SYTL1: variants seen among roughly 807,000 people sequenced by gnomAD.
SYTL1 encodes the protein synaptotagmin like 1.
In SYTL1, 53 loss-of-function variants were observed where a neutral mutation model predicts 74.6. The observed-to-expected ratio is 0.71, with a 90% CI of 0.57 to 0.89. The LOEUF (loss-of-function observed/expected upper bound fraction) is 0.89, where lower values mean the gene tolerates loss of function less well. SYTL1 is among the 40% of genes least tolerant of loss of function. The pLI is 0.00. For missense variants in SYTL1, 728 were observed against 768.7 expected (o/e 0.95, Z 0.63); for synonymous variants, 329 against 324.9 (o/e 1.01, Z -0.14).
At chr1:27,349,799 G>C in intron 8 of SYTL1, 34 bp downstream of exon 8, 3 of 1,564,362 alleles carry the variant, frequency 1.9e-6, no homozygotes, top group South Asian at 2.3e-5. Context: ...GGGCGGCCGG[G>C]GGGTGGACCC....
Position 27,351,319 on chromosome 1 carries a change from TCC to T in SYTL1, c.1229_1230del (p.Pro410ArgfsTer43). ...TTACTCGCCCTGTCCCTCAAGTACG[TCC>T]CCGCCGGCTCCGAGGGTGAGTGACA... On this transcript the variant is annotated frameshift_variant, in exon 12 of 15. Coordinates refer to ENST00000616558, the MANE Select transcript of SYTL1 (RefSeq NM_001193308.2). LOFTEE classifies it high-confidence loss of function. The surrounding 1 kb of genome is among the most constrained non-coding windows in gnomAD (Gnocchi z 5.0). 1 of 1,555,700 alleles carries T rather than the reference TCC, an allele frequency of 6.4e-7. No individual in the cohort carries two copies. The highest frequency in any genetic ancestry group is 8.7e-7 in the Non-Finnish European group (1 of 1,149,906).
Position 27,353,441 on chromosome 1 carries a change from C to A in SYTL1, c.1502C>A (p.Ala501Asp). ...GAGCTCTCCCTCTGGGACCATGGGG[C>A]CCTGGCCAACCGCCAGCTGGGGGGC... ...CAELSLWDHG[A>D]LANRQLGGTR... The change falls in exon 14 of 15, where the codon GCC becomes GAC. Residue 501 changes from alanine to aspartate, a missense_variant. Physicochemically the swap from Ala to Asp is moderately radical, Grantham distance 126. Transcript: ENST00000616558. The A allele has an allele frequency of 2.5e-6, 4 of 1,609,452 alleles. No homozygotes were observed. Among genetic ancestry groups the A allele is most frequent in the Non-Finnish European group, 3.4e-6 (4 of 1,178,542 alleles).
At position 27,347,003 on chromosome 1, in the gene SYTL1, T is replaced by C. The variant is rs1364534080; in HGVS notation, c.192-418T>C. On this transcript the variant is annotated intron_variant, in intron 2 of 14. Transcript: ENST00000616558. The surrounding 1 kb of genome is among the most constrained non-coding windows in gnomAD (Gnocchi z 4.9). ...TGGGCATGGTGGCACACGCCTGTAGTCCCAGCTACTCAGGAGGCTGAGGTG... is the reference window on the plus strand; with the variant it reads ...TGGGCATGGTGGCACACGCCTGTAGCCCCAGCTACTCAGGAGGCTGAGGTG... 6.6e-6 allele frequency among the ~76,000 whole-genome samples: 1 copy of C among 151,862 alleles called. No individual in the cohort carries two copies. The highest frequency in any genetic ancestry group is 6.6e-5 in the Admixed American group (1 of 15,236).
rs370173675 is a variant in SYTL1 at position 27,350,355 on chromosome 1, G to A, written c.909-34G>A. The A allele has an allele frequency of 6.3e-6, 10 of 1,586,668 alleles. No homozygotes were observed. Among genetic ancestry groups the A allele is most frequent in the Non-Finnish European group, 8.7e-6 (10 of 1,155,202 alleles). On this transcript the variant is annotated intron_variant, in intron 9 of 14. Coordinates refer to ENST00000616558, the MANE Select transcript of SYTL1 (RefSeq NM_001193308.2). The surrounding 1 kb of genome is among the most constrained non-coding windows in gnomAD (Gnocchi z 6.3). ...CAGGCAGGGGAGAAGGCTCTGGGAG[G>A]GCCCCTCCTCACCTCGGGTTCTCAC...
intron 7 of SYTL1, 41 bp downstream of exon 7, chr1:27,349,539 C>A (rs990735747): frequency 7.0e-6 from 10 of 1,433,578 alleles, no homozygotes; most frequent in Non-Finnish European, 9.2e-6. Flanking sequence ...ACATCCGGAG[C>A]GGACTCCGGG....
chr1:27,351,071 A>C lies in SYTL1; in HGVS notation c.1164+119A>C. 1 of 1,369,584 alleles carries C rather than the reference A, an allele frequency of 7.3e-7. No homozygotes were observed. The highest frequency in any genetic ancestry group is 9.9e-7 in the Non-Finnish European group (1 of 1,005,310). 84.8% of individuals were successfully genotyped at this position (1,369,584 alleles called of 1,614,324 possible). ...CGACAGAACCTCCCCTCAACCTCTT[A>C]ACCTCATGGCCCCAGGCGAAGCCCG... On this transcript the variant is annotated intron_variant, in intron 11 of 14. Coordinates refer to ENST00000616558, the MANE Select transcript of SYTL1 (RefSeq NM_001193308.2). This position sits in a 1 kb window ranked among gnomAD's most constrained non-coding sequence, Gnocchi z 5.0.
At position 27,345,076 on chromosome 1, in the gene SYTL1, T is replaced by C. The variant is rs2148028864; in HGVS notation, c.-38-221T>C. On this transcript the variant is annotated intron_variant, in intron 1 of 14. Transcript: ENST00000616558. This position sits in a 1 kb window ranked among gnomAD's most constrained non-coding sequence, Gnocchi z 6.0. ...CTGTGTGGCCCTACCTCAGGGTGTGTGCATGTGTGTCTCTTGCTTCTTCCA... is the reference window on the plus strand; with the variant it reads ...CTGTGTGGCCCTACCTCAGGGTGTGCGCATGTGTGTCTCTTGCTTCTTCCA... 9.0e-6 allele frequency: 3 copies of C among 333,444 alleles called. No individual in the cohort carries two copies. In the South Asian group the frequency reaches 2.1e-4, roughly 23 times the overall value. 20.7% of individuals were successfully genotyped at this position (333,444 alleles called of 1,614,324 possible).
At position 27,351,196 on chromosome 1, in the gene SYTL1, C is replaced by A. The variant is rs2015255284; in HGVS notation, c.1165-62C>A. 8 of 1,530,800 alleles carry A rather than the reference C, an allele frequency of 5.2e-6. No homozygotes were observed. Among genetic ancestry groups the A allele is most frequent in the African/African-American group, 1.4e-5 (1 of 72,598 alleles). The allele number at this position is 1,530,800 out of a possible 1,614,324, so 94.8% of individuals were successfully genotyped here. On this transcript the variant is annotated intron_variant, in intron 11 of 14. Coordinates refer to ENST00000616558, the MANE Select transcript of SYTL1 (RefSeq NM_001193308.2). The surrounding 1 kb of genome is among the most constrained non-coding windows in gnomAD (Gnocchi z 5.0). ...GCCGCACCCCATCCGGGTCTGCAGA[C>A]CCCACCCTCCTGAGGCCCCTTTCCA...
Position 27,350,177 on chromosome 1 carries a change from G to T in SYTL1, c.908+45G>T. The T allele has an allele frequency of 6.9e-7, 1 of 1,451,536 alleles. No individual in the cohort carries two copies. The highest frequency in any genetic ancestry group is 1.4e-5 in the African/African-American group (1 of 69,366). The allele number at this position is 1,451,536 out of a possible 1,614,324, so 89.9% of individuals were successfully genotyped here. A position where few individuals can be genotyped will look rare whatever the true frequency, so the allele number is the denominator to read the frequency against. ...AGCGGGGCGCGGCTGTCACAGCCCA[G>T]CCCACCATTCACAGGGTCTCGGCCT... is the stretch of plus-strand genomic sequence containing the variant. On this transcript the variant is annotated intron_variant, in intron 9 of 14. Coordinates refer to ENST00000616558, the MANE Select transcript of SYTL1 (RefSeq NM_001193308.2). The surrounding 1 kb of genome is among the most constrained non-coding windows in gnomAD (Gnocchi z 6.3).
At chr1:27,349,921 C>G in intron 8 of SYTL1, 51 bp from the exon 9 acceptor site, 1 of 1,554,506 alleles carries the variant, frequency 6.4e-7, no homozygotes, top group Non-Finnish European at 8.6e-7. Context: ...GCCCGCGGCC[C>G]CGACGTGAGC....
rs779655219 is a variant in SYTL1 at position 27,350,928 on chromosome 1, C to G, written c.1140C>G (p.Pro380=). The G allele has an allele frequency of 6.2e-7, 1 of 1,613,174 alleles. No homozygotes were observed. Among genetic ancestry groups the G allele is most frequent in the African/African-American group, 1.3e-5 (1 of 74,872 alleles). ...PLDTWDWGSE[P]TWLPLQPRVP... is the part of the protein sequence containing the mutation. ...ACACGTGGGACTGGGGCTCTGAGCCCACCTGGCTCCCCCTGCAGCCCCGGG... is the reference window on the plus strand; with the variant it reads ...ACACGTGGGACTGGGGCTCTGAGCCGACCTGGCTCCCCCTGCAGCCCCGGG... Residue 380 remains proline (P), a synonymous_variant, in exon 11 of 15, where the codon CCC becomes CCG. Coordinates refer to ENST00000616558, the MANE Select transcript of SYTL1 (RefSeq NM_001193308.2). The surrounding 1 kb of genome is among the most constrained non-coding windows in gnomAD (Gnocchi z 6.3).
rs1029166946 is a variant in SYTL1, at chr1:27,343,161, G to C, written c.-39+1011G>C. 6.6e-6 allele frequency: 1 copy of C among 152,460 alleles called. No individual in the cohort carries two copies. Among genetic ancestry groups the C allele is most frequent in the African/African-American group, 2.4e-5 (1 of 41,468 alleles). The allele number at this position is 152,460 out of a possible 1,614,324, so 9.4% of individuals were successfully genotyped here. ...GGCAATGGAAGGGGCGGGGAAGAGA[G>C]GAGAGGCCGCCCAGTGGGCTCAGGA... On this transcript the variant is annotated intron_variant, in intron 1 of 14. Coordinates refer to ENST00000616558, the MANE Select transcript of SYTL1 (RefSeq NM_001193308.2). This position sits in a 1 kb window ranked among gnomAD's most constrained non-coding sequence, Gnocchi z 5.2.
Position 27,350,924 on chromosome 1 carries a change from A to G in SYTL1, c.1136A>G (p.Glu379Gly), listed in dbSNP as rs147249215. 3.7e-6 allele frequency: 6 copies of G among 1,613,144 alleles called. No individual in the cohort carries two copies. The highest frequency in any genetic ancestry group is 4.2e-6 in the Non-Finnish European group (5 of 1,179,902). The change falls in exon 11 of 15, where the codon GAG (glutamate) becomes GGG (glycine). Residue 379 changes from glutamate (E) to glycine (G), a missense_variant. Physicochemically the swap from Glu to Gly is moderately conservative, Grantham distance 98. Coordinates refer to ENST00000616558, the MANE Select transcript of SYTL1 (RefSeq NM_001193308.2). This position sits in a 1 kb window ranked among gnomAD's most constrained non-coding sequence, Gnocchi z 6.3. ...CTGGACACGTGGGACTGGGGCTCTG[A>G]GCCCACCTGGCTCCCCCTGCAGCCC... ...VPLDTWDWGS[E>G]PTWLPLQPRV...
In SYTL1 at chr1:27,350,045, T is replaced by C; in HGVS notation, c.821T>C (p.Leu274Pro). The C allele has an allele frequency of 6.5e-7, 1 of 1,528,390 alleles. No homozygotes were observed. Among genetic ancestry groups the C allele is most frequent in the Non-Finnish European group, 8.7e-7 (1 of 1,147,422 alleles). The allele number at this position is 1,528,390 out of a possible 1,614,324, so 94.7% of individuals were successfully genotyped here. Residue 274 changes from leucine (L) to proline (P), a missense_variant, in exon 9 of 15, where the codon CTG becomes CCG. Transcript: ENST00000616558. The surrounding 1 kb of genome is among the most constrained non-coding windows in gnomAD (Gnocchi z 6.3). Reference protein sequence around the residue: ...VQVRGSVHFALHYEPGAAELR... With the variant: ...VQVRGSVHFAPHYEPGAAELR... The stretch of plus-strand genomic sequence containing the variant: ...GTCCGCGGCTCCGTGCACTTCGCGC[T>C]GCACTACGAGCCGGGCGCCGCCGAG...
In SYTL1 at chr1:27,347,727, G is replaced by A. The variant is rs2015063087; in HGVS notation, c.341-81G>A. ...GCCCCTCCGTGGGCATGGGGTGGGT[G>A]GGTATCTCCCAGGGCCTCTCCCGAG... On this transcript the variant is annotated intron_variant, in intron 3 of 14. Transcript: ENST00000616558. This position sits in a 1 kb window ranked among gnomAD's most constrained non-coding sequence, Gnocchi z 4.9. 3.3e-6 allele frequency: 5 copies of A among 1,527,312 alleles called. No individual in the cohort carries two copies. The South Asian group carries it at 6.2e-5, about 19-fold the overall frequency. The allele number at this position is 1,527,312 out of a possible 1,614,324, so 94.6% of individuals were successfully genotyped here.
intron 2 of SYTL1, among the ~76,000 whole-genome samples, chr1:27,346,348 G>A (rs535116754): frequency 1.8e-4 from 28 of 152,318 alleles, no homozygotes; most frequent in African/African-American, 6.0e-4. Context: ...GAGCATGGGC[G>A]TTACAAGCAA....
chr1:27,349,042 G>GC (rs2015120789), intron 5 of SYTL1, 38 bp from the exon 6 acceptor site: 4 of 1,518,184 alleles, frequency 2.6e-6, no homozygotes, highest in Admixed American at 3.4e-5. Context: ...TTCCTCACCA[G>GC]CCCCCGTACT....
In SYTL1 at chr1:27,353,870, C is replaced by T. The variant is rs1139986; in HGVS notation, c.*18C>T. On this transcript the variant is annotated 3_prime_UTR_variant, in exon 15 of 15. Coordinates refer to ENST00000616558, the MANE Select transcript of SYTL1 (RefSeq NM_001193308.2). ...GGACGTAGCCCCACCAAGCCTCTCT[C>T]TCTGGACCCCCATCTCAGGGCCTGC... 6.2e-7 allele frequency: 1 copy of T among 1,607,268 alleles called. No individual in the cohort carries two copies. The highest frequency in any genetic ancestry group is 8.5e-7 in the Non-Finnish European group (1 of 1,174,930).
intron 8 of SYTL1, 23 bp downstream of exon 8, chr1:27,349,788 CG>C: frequency 6.4e-7 from 1 of 1,572,778 alleles, no homozygotes; most frequent in Non-Finnish European, 8.6e-7. Flanking sequence ...GGAGGGGACC[CG>C]GGCGGCCGGG....
Sources: allele counts gnomAD v4.1 joint callset (sites outside exome capture counted in the v4.1 genomes callset), GRCh38; gene constraint gnomAD v4.1.1; non-coding constraint Gnocchi (gnomAD v3.1); transcripts MANE v1.5; gene names NCBI Gene and HGNC (gene_info 2026-07-23, HGNC 2026-07-21).